The following TFAM variants were observed in gnomAD, a reference collection of about 807,000 sequenced individuals.
TFAM encodes transcription factor A, mitochondrial.
A neutral mutation model predicts 30.6 loss-of-function variants in TFAM; 13 were observed. The ratio of observed to expected loss-of-function variants is 0.42; its 90% CI spans 0.28 to 0.67. The LOEUF (loss-of-function observed/expected upper bound fraction) is 0.67, where lower values mean the gene tolerates loss of function less well. TFAM is among the 30% of genes least tolerant of loss of function. The pLI, the probability that TFAM is intolerant of heterozygous loss-of-function variation, is 0.21. For synonymous variants in TFAM, 106 were observed against 94.8 expected (o/e 1.12, Z -0.69); for missense variants, 231 against 293.7 (o/e 0.79, Z 1.56).
chr10:58,392,621 A>G lies in TFAM; in HGVS notation c.538-1737A>G, dbSNP rs147432596. Reference sequence around the variant, plus strand: ...ACCTGTACCTGGTTTTCACAGAGTGACACTATTTTACTCTCTAGAGAGGAT... The same window carrying G: ...ACCTGTACCTGGTTTTCACAGAGTGGCACTATTTTACTCTCTAGAGAGGAT... On this transcript the variant is annotated intron_variant, in intron 5 of 6. Transcript: ENST00000487519. Among the ~76,000 whole-genome samples the G allele has an allele frequency of 6.1e-3, 934 of 151,936 alleles. 3 individuals carry two copies. The highest frequency in any genetic ancestry group is 9.5e-3 in the Non-Finnish European group (645 of 67,976).
Position 58,397,926 on chromosome 10 carries a change from G to A in TFAM, c.*2852G>A, listed in dbSNP as rs776504588. On this transcript the variant is annotated 3_prime_UTR_variant, in exon 7 of 7. Coordinates refer to ENST00000487519, the MANE Select transcript of TFAM (RefSeq NM_003201.3). ...ACACCACCATGCCTGGCTAATTTTT[G>A]TATTTTTTTTTTAATCAAGATGGGA... 1 of 151,828 alleles carries A rather than the reference G, an allele frequency of 6.6e-6. No homozygotes were observed. The highest frequency in any genetic ancestry group is 2.4e-5 in the African/African-American group (1 of 41,294). 9.4% of individuals were successfully genotyped at this position (151,828 alleles called of 1,614,324 possible). A position where few individuals can be genotyped will look rare whatever the true frequency, so the allele number is the denominator to read the frequency against.
chr10:58,398,276 G>T lies in TFAM; in HGVS notation c.*3202G>T, dbSNP rs905535058. On this transcript the variant is annotated 3_prime_UTR_variant, in exon 7 of 7. Coordinates refer to ENST00000487519, the MANE Select transcript of TFAM (RefSeq NM_003201.3). ...TCATCCAACAAAGTAGTTGCTGTAGGAGCTGAGTGTTAGAAGGAAAGATGC... is the reference window on the plus strand; with the variant it reads ...TCATCCAACAAAGTAGTTGCTGTAGTAGCTGAGTGTTAGAAGGAAAGATGC... 6.6e-6 allele frequency: 1 copy of T among 152,196 alleles called. No homozygotes were observed. Among genetic ancestry groups the T allele is most frequent in the Non-Finnish European group, 1.5e-5 (1 of 68,052 alleles). 9.4% of individuals were successfully genotyped at this position (152,196 alleles called of 1,614,324 possible).
rs1264293023 is a variant in TFAM at position 58,397,183 on chromosome 10, CA to C, written c.*2110del. ...TCTCTTCAGATGAGCTCAGAGAGCACATAGGAGTGTTTGTAATGAGGGGTAT... is the reference window on the plus strand; with the variant it reads ...TCTCTTCAGATGAGCTCAGAGAGCACTAGGAGTGTTTGTAATGAGGGGTAT... On this transcript the variant is annotated 3_prime_UTR_variant, in exon 7 of 7. Transcript: ENST00000487519. 1 of 151,948 alleles carries C rather than the reference CA, an allele frequency of 6.6e-6. No homozygotes were observed. Among genetic ancestry groups the C allele is most frequent in the Non-Finnish European group, 1.5e-5 (1 of 68,014 alleles). 9.4% of individuals were successfully genotyped at this position (151,948 alleles called of 1,614,324 possible).
rs1420567983 is a variant in TFAM, at chr10:58,398,165, A to T, written c.*3091A>T. 6.6e-6 allele frequency: 1 copy of T among 152,332 alleles called. No individual in the cohort carries two copies. Among genetic ancestry groups the T allele is most frequent in the African/African-American group, 2.4e-5 (1 of 41,432 alleles). 9.4% of individuals were successfully genotyped at this position (152,332 alleles called of 1,614,324 possible). Reference sequence around the variant, plus strand: ...AGCCTTGAACTCCCAGGCTTAAGAGATCCTCCCATCTCAGCCTCCTGAGTA... The same window carrying T: ...AGCCTTGAACTCCCAGGCTTAAGAGTTCCTCCCATCTCAGCCTCCTGAGTA... On this transcript the variant is annotated 3_prime_UTR_variant, in exon 7 of 7. Coordinates refer to ENST00000487519, the MANE Select transcript of TFAM (RefSeq NM_003201.3).
rs948910131 is a variant in TFAM, at chr10:58,386,402, A to G, written c.220+64A>G. 1.1e-5 allele frequency: 13 copies of G among 1,160,206 alleles called. No homozygotes were observed. The East Asian group carries it at 3.0e-4, about 27-fold the overall frequency. The allele number at this position is 1,160,206 out of a possible 1,614,324, so 71.9% of individuals were successfully genotyped here. On this transcript the variant is annotated intron_variant, in intron 2 of 6. Transcript: ENST00000487519. Reference sequence around the variant, plus strand: ...TAAAAATGCCATTAAGCAGTTAAATACCAATGTTGAATTGCAGTGCTAAAG... The same window carrying G: ...TAAAAATGCCATTAAGCAGTTAAATGCCAATGTTGAATTGCAGTGCTAAAG...
intron 1 of TFAM, 75 bp from the exon 2 acceptor site, chr10:58,386,145 A>T: frequency 2.1e-6 from 2 of 954,818 alleles, no homozygotes; most frequent in South Asian, 2.6e-5. Flanking sequence ...CTTATTTGGG[A>T]TCTGTGTTCA....
rs1840490083 is a variant in TFAM at position 58,386,318 on chromosome 10, T to C, written c.200T>C (p.Ile67Thr). ...CGATTTTCTAAAGAACAACTACCCA[T>C]ATTTAAAGCTCAGAACCCAGGTAAG... is the stretch of plus-strand genomic sequence containing the variant. ...YLRFSKEQLP[I>T]FKAQNPDAKT... is the part of the protein sequence containing the mutation. Residue 67 changes from isoleucine to threonine, a missense_variant, in exon 2 of 7, where the codon ATA becomes ACA. Ile to Thr is a moderately conservative substitution (Grantham distance 89). Transcript: ENST00000487519. The C allele has an allele frequency of 1.2e-6, 2 of 1,613,226 alleles. No individual in the cohort carries two copies. The highest frequency in any genetic ancestry group is 3.3e-5 in the Admixed American group (2 of 60,028).
Position 58,395,028 on chromosome 10 carries a change from G to A in TFAM, c.695G>A (p.Arg232His), listed in dbSNP as rs745854110. 4 of 1,613,688 alleles carry A rather than the reference G, an allele frequency of 2.5e-6. No homozygotes were observed. Among genetic ancestry groups the A allele is most frequent in the East Asian group, 2.2e-5 (1 of 44,816 alleles). ...GAAGTTGGACGAAAGGATCTTCTACGTCGCACAATAAAGAAACAACGAAAA... is the reference window on the plus strand; with the variant it reads ...GAAGTTGGACGAAAGGATCTTCTACATCGCACAATAAAGAAACAACGAAAA... ...MIEVGRKDLL[R>H]RTIKKQRKYG... The change falls in exon 7 of 7, where the codon CGT (arginine) becomes CAT (histidine). Residue 232 changes from arginine to histidine, a missense_variant. Arg to His is a conservative substitution (Grantham distance 29). Transcript: ENST00000487519.
intron 4 of TFAM, among the ~76,000 whole-genome samples, chr10:58,389,279 G>A (rs781104171): frequency 6.6e-6 from 1 of 152,088 alleles, no homozygotes; most frequent in Non-Finnish European, 1.5e-5. Context: ...TCAATTAAGT[G>A]CCTTTAGGAT....
At chr10:58,389,623 G>A (rs1032619273) in intron 4 of TFAM, among the ~76,000 whole-genome samples, 1 of 152,114 alleles carries the variant, frequency 6.6e-6, no homozygotes, top group Non-Finnish European at 1.5e-5. Flanking sequence ...CCATGATGCC[G>A]CTACTTTAGG....
In TFAM at chr10:58,397,945, G is replaced by A. The variant is rs989232496; in HGVS notation, c.*2871G>A. On this transcript the variant is annotated 3_prime_UTR_variant, in exon 7 of 7. Coordinates refer to ENST00000487519, the MANE Select transcript of TFAM (RefSeq NM_003201.3). ...ATTTTTGTATTTTTTTTTTAATCAA[G>A]ATGGGATCTTGCTATGTTGCCCAGG... 6.4e-4 allele frequency: 97 copies of A among 151,860 alleles called. 1 individual carries two copies. Among genetic ancestry groups the A allele is most frequent in the Admixed American group, 6.4e-3 (97 of 15,202 alleles). The allele number at this position is 151,860 out of a possible 1,614,324, so 9.4% of individuals were successfully genotyped here.
chr10:58,392,328 TG>T (rs1268349655), intron 5 of TFAM, among the ~76,000 whole-genome samples: 1 of 152,164 alleles, frequency 6.6e-6, no homozygotes, highest in East Asian at 1.9e-4. Flanking sequence ...TCTACCTTAT[TG>T]TACTGCTTTT....
chr10:58,386,769 G>C, intron 2 of TFAM: 1 of 887,854 alleles, frequency 1.1e-6, no homozygotes, highest in South Asian at 3.8e-5. Flanking sequence ...AATTTCAAGA[G>C]CTTTCAAGAT....
intron 5 of TFAM, among the ~76,000 whole-genome samples, chr10:58,392,470 C>T (rs187888682): frequency 2.3e-4 from 34 of 150,520 alleles, no homozygotes; most frequent in Non-Finnish European, 2.4e-4. Flanking sequence ...TATTTTTTTC[C>T]GTACTGTTTT....
chr10:58,392,785 C>T (rs77124850), intron 5 of TFAM, among the ~76,000 whole-genome samples: 12,922 of 151,742 alleles, frequency 0.085, 891 homozygotes, highest in East Asian at 0.31. Flanking sequence ...AGCAATTTTC[C>T]CACCTCAACC....
In TFAM at chr10:58,398,486, G is replaced by A. The variant is rs1840729844; in HGVS notation, c.*3412G>A. 1 of 152,106 alleles carries A rather than the reference G, an allele frequency of 6.6e-6. No homozygotes were observed. The highest frequency in any genetic ancestry group is 1.5e-5 in the Non-Finnish European group (1 of 68,020). The allele number at this position is 152,106 out of a possible 1,614,324, so 9.4% of individuals were successfully genotyped here. Reference sequence around the variant, plus strand: ...ATAATACTGTGTACGTATTCAGCTTGCTGTAATTCTGTAATTACGCTATTG... The same window carrying A: ...ATAATACTGTGTACGTATTCAGCTTACTGTAATTCTGTAATTACGCTATTG... On this transcript the variant is annotated 3_prime_UTR_variant, in exon 7 of 7. Transcript: ENST00000487519.
At position 58,395,388 on chromosome 10, in the gene TFAM, GAAAGAGTACTCT is replaced by G. The variant is rs1377373236; in HGVS notation, c.*315_*326del. 1.2e-5 allele frequency: 4 copies of G among 346,526 alleles called. No individual in the cohort carries two copies. Among genetic ancestry groups the G allele is most frequent in the Non-Finnish European group, 1.6e-5 (3 of 186,942 alleles). 21.5% of individuals were successfully genotyped at this position (346,526 alleles called of 1,614,324 possible). A position where few individuals can be genotyped will look rare whatever the true frequency, so the allele number is the denominator to read the frequency against. ...TTTTTTATACAGGATGATGACTATG[GAAAGAGTACTCT>G]TGTTTCCTTATATTATGGAGGCAGG... On this transcript the variant is annotated 3_prime_UTR_variant, in exon 7 of 7. Coordinates refer to ENST00000487519, the MANE Select transcript of TFAM (RefSeq NM_003201.3).
chr10:58,389,690 G>T (rs545566781), intron 4 of TFAM, among the ~76,000 whole-genome samples: 19 of 152,284 alleles, frequency 1.2e-4, no homozygotes, highest in African/African-American at 4.6e-4. Context: ...GAAAAATAGA[G>T]TGTCTACATA....
Position 58,385,692 on chromosome 10 carries a change from C to T in TFAM, c.101+44C>T, listed in dbSNP as rs759393701. 11 of 1,437,020 alleles carry T rather than the reference C, an allele frequency of 7.7e-6. No individual in the cohort carries two copies. The Admixed American group carries it at 9.8e-5, about 13-fold the overall frequency. 89.0% of individuals were successfully genotyped at this position (1,437,020 alleles called of 1,614,324 possible). On this transcript the variant is annotated intron_variant, in intron 1 of 6. Transcript: ENST00000487519. The stretch of plus-strand genomic sequence containing the variant: ...GCCCTAGGGGCAGCAGGGCCCAGGA[C>T]GTCCCGGGGTTGGAATGTAGACCCT...
Sources: gnomAD v4.1 joint callset for allele counts (sites outside exome capture counted in the v4.1 genomes callset) on GRCh38, gnomAD v4.1.1 for gene constraint, MANE v1.5 for transcripts, NCBI Gene and HGNC (gene_info 2026-07-23, HGNC 2026-07-21) for gene names.